The following FAM53A variants were observed in gnomAD, a reference collection of about 807,000 sequenced individuals.
FAM53A encodes the protein family with sequence similarity 53 member A.
A neutral mutation model predicts 26.6 loss-of-function variants in FAM53A; 28 were observed. The observed-to-expected ratio is 1.05, with a 90% CI of 0.78 to 1.45. The LOEUF is 1.45. FAM53A is among the 40% of genes most tolerant of loss of function. The pLI is 0.00. For synonymous variants in FAM53A, 290 were observed against 253.1 expected, an observed-to-expected ratio of 1.15 and a Z score of -1.38; for missense variants, 650 against 575.8, an observed-to-expected ratio of 1.13 and a Z score of -1.32.
chr4:1,680,502 T>G (rs1022150426), intron 1 of FAM53A, among the ~76,000 whole-genome samples: 1 of 152,098 alleles, frequency 6.6e-6, no homozygotes, highest in East Asian at 1.9e-4. Flanking sequence ...TAAAAACTTA[T>G]GTCCACACAA....
At position 1,618,041 on chromosome 4, in the gene FAM53A, G is replaced by A. The variant is rs548566562; in HGVS notation, c.*32C>T. ...AGTGAGGAGACGGCTGTCAGATGCC[G>A]TGAAGATGGGAAGATGGAGGGCCGT... On this transcript the variant is annotated 3_prime_UTR_variant, in exon 2 of 2. Coordinates refer to the FAM53A transcript ENST00000489029. 31 of 456,364 alleles carry A rather than the reference G, an allele frequency of 6.8e-5. No homozygotes were observed. In the Middle Eastern group the frequency reaches 1.6e-3, roughly 24 times the overall value. 28.3% of individuals were successfully genotyped at this position (456,364 alleles called of 1,614,324 possible). A position where few individuals can be genotyped will look rare whatever the true frequency, so the allele number is the denominator to read the frequency against.
At chr4:1,662,153 ACC>A (rs1317611280) in intron 2 of FAM53A, among the ~76,000 whole-genome samples, 4 of 151,312 alleles carry the variant, frequency 2.6e-5, no homozygotes, top group Non-Finnish European at 5.9e-5. Flanking sequence ...ACACAGTGAG[ACC>A]CCCTTTCTAA....
intron 1 of FAM53A, among the ~76,000 whole-genome samples, chr4:1,675,857 C>T (rs1373192988): frequency 6.6e-6 from 1 of 152,200 alleles, no homozygotes; most frequent in Admixed American, 6.5e-5. Flanking sequence ...CCTGCAGACC[C>T]CTAGGAGGGT....
chr4:1,623,276 C>T (rs1216360159), intron 1 of FAM53A, among the ~76,000 whole-genome samples: 1 of 152,240 alleles, frequency 6.6e-6, no homozygotes, highest in Non-Finnish European at 1.5e-5. Flanking sequence ...ACGTGAAAGG[C>T]AGCTGCTCCG....
At chr4:1,596,115 C>T in the FAM53A span, among the ~76,000 whole-genome samples, 12 of 152,124 alleles carry the variant, frequency 7.9e-5, no homozygotes, top group African/African-American at 1.2e-4. Flanking sequence ...GACAGAGGGA[C>T]GAGGGGAGGG....
At chr4:1,585,568 G>A in the FAM53A span, among the ~76,000 whole-genome samples, 6 of 151,978 alleles carry the variant, frequency 3.9e-5, no homozygotes, top group Admixed American at 3.9e-4. Context: ...ACAGGTGTGA[G>A]CCACTGCACC....
chr4:1,684,383 CGCCGCCGCGAGCCCGTCA>C (rs1560226496), upstream of FAM53A: 2 of 148,234 alleles, frequency 1.3e-5, no homozygotes, highest in African/African-American at 4.9e-5. Context: ...CGCGCCCCGC[CGCCGCCGCGAGCCCGTCA>C]GCCGCCGCCT....
the FAM53A span, among the ~76,000 whole-genome samples, chr4:1,584,653 G>C: frequency 6.6e-6 from 1 of 152,212 alleles, no homozygotes; most frequent in Non-Finnish European, 1.5e-5. Context: ...TGGCAATGGA[G>C]GCTGGCTGTC....
the FAM53A span, among the ~76,000 whole-genome samples, chr4:1,609,825 T>C: frequency 4.6e-5 from 7 of 151,816 alleles, no homozygotes; most frequent in African/African-American, 1.5e-4. Flanking sequence ...TAGCCAGGCA[T>C]GGTGGCAGGC....
chr4:1,682,512 C>G (rs536684520), intron 1 of FAM53A, among the ~76,000 whole-genome samples: 2 of 152,098 alleles, frequency 1.3e-5, no homozygotes, highest in Non-Finnish European at 1.5e-5. Context: ...CTGCCCGCCT[C>G]GGCCTCTCAA....
rs778683774 is a variant in FAM53A at position 1,640,431 on chromosome 4, G to A, written c.*862C>T. The A allele has an allele frequency of 3.5e-6, 1 of 285,348 alleles. No individual in the cohort carries two copies. 17.7% of individuals were successfully genotyped at this position (285,348 alleles called of 1,614,324 possible). ...GCACACAAGGCGCCCTGCACAGCAG[G>A]CCTTTCGTGGGGAACACAGACGCAT... On this transcript the variant is annotated 3_prime_UTR_variant, in exon 5 of 5. Coordinates refer to ENST00000308132, the MANE Select transcript of FAM53A (RefSeq NM_001174070.3).
At chr4:1,665,098 T>G in intron 2 of FAM53A, among the ~76,000 whole-genome samples, 1 of 151,958 alleles carries the variant, frequency 6.6e-6, no homozygotes. Flanking sequence ...GTGGATCACT[T>G]GAGGTCAGGA....
intron 1 of FAM53A, among the ~76,000 whole-genome samples, chr4:1,672,568 C>T (rs901403521): frequency 4.3e-4 from 65 of 152,106 alleles, no homozygotes; most frequent in Admixed American, 2.2e-3. Flanking sequence ...TGATGCTGGA[C>T]CCGCAGAGAA....
At chr4:1,674,041 T>A (rs1714867033) in intron 1 of FAM53A, among the ~76,000 whole-genome samples, 1 of 152,218 alleles carries the variant, frequency 6.6e-6, no homozygotes, top group Non-Finnish European at 1.5e-5. Flanking sequence ...AGGGCCGTTA[T>A]AACAATCTCC....
At chr4:1,595,905 G>A in the FAM53A span, among the ~76,000 whole-genome samples, 1 of 152,204 alleles carries the variant, frequency 6.6e-6, no homozygotes, top group Non-Finnish European at 1.5e-5. Context: ...CTGTGGTGCA[G>A]GTGCTCAGTG....
At chr4:1,623,964 T>C (rs1376644552) in intron 1 of FAM53A, among the ~76,000 whole-genome samples, 1 of 151,782 alleles carries the variant, frequency 6.6e-6, no homozygotes, top group Non-Finnish European at 1.5e-5. Context: ...CCCGGGACCC[T>C]GGGGCATACC....
chr4:1,633,523 G>A (rs576144777), intron 1 of FAM53A, among the ~76,000 whole-genome samples: 40 of 152,254 alleles, frequency 2.6e-4, no homozygotes, highest in Non-Finnish European at 5.3e-4. Flanking sequence ...CGACACAGGA[G>A]GGAAAAACAA....
chr4:1,578,140 C>T, the FAM53A span, among the ~76,000 whole-genome samples: 2 of 126,202 alleles, frequency 1.6e-5, no homozygotes, highest in South Asian at 6.0e-4. Flanking sequence ...CACCCCCAGG[C>T]CCCCCCCAAG....
chr4:1,647,145 G>A (rs1300875458), intron 4 of FAM53A, among the ~76,000 whole-genome samples: 1 of 151,348 alleles, frequency 6.6e-6, no homozygotes, highest in African/African-American at 2.4e-5. Context: ...GACCAGCATG[G>A]CCAACATAGT....
Sources: allele counts gnomAD v4.1 joint callset (sites outside exome capture counted in the v4.1 genomes callset), GRCh38; gene constraint gnomAD v4.1.1; transcripts MANE v1.5; gene names NCBI Gene and HGNC (gene_info 2026-07-23, HGNC 2026-07-21).